The following OCM variants were observed in gnomAD, a reference collection of about 807,000 sequenced individuals.
OCM encodes oncomodulin-1.
OCM carries 18 observed loss-of-function variants against 14.1 expected under a neutral mutation model. The ratio of observed to expected loss-of-function variants is 1.28; its 90% CI spans 0.88 to 1.89. The LOEUF (loss-of-function observed/expected upper bound fraction) is 1.89, where lower values mean the gene tolerates loss of function less well. Ranked by LOEUF, OCM falls within the 40% of genes most tolerant of loss-of-function variation. The pLI, the probability that OCM is intolerant of heterozygous loss-of-function variation, is 0.00. For missense variants in OCM, 140 were observed against 137.6 expected (o/e 1.02, Z -0.09); for synonymous variants, 48 against 51.0 (o/e 0.94, Z 0.25).
At position 5,883,962 on chromosome 7, in the gene OCM, G is replaced by C; in HGVS notation, c.267G>C (p.Ala89=). ...TESETKSLMA[A]ADNDGDGKIG... ...CAGAAACCAAGTCCTTGATGGCTGC[G>C]GCGGATAATGATGGAGATGGGAAAA... Residue 89 remains alanine (A), a synonymous_variant, in exon 3 of 4, where the codon GCG becomes GCC. Coordinates refer to ENST00000242104, the MANE Select transcript of OCM (RefSeq NM_001097622.2). The C allele has an allele frequency of 1.2e-6, 2 of 1,613,352 alleles. No individual in the cohort carries two copies. The highest frequency in any genetic ancestry group is 1.7e-6 in the Non-Finnish European group (2 of 1,179,644).
upstream of OCM, among the ~76,000 whole-genome samples, chr7:5,875,058 A>T (rs1050406561): frequency 1.5e-4 from 20 of 134,620 alleles, 3 homozygotes; most frequent in South Asian, 3.2e-3. Context: ...ATATATATGT[A>T]TTTTTTTTTT....
chr7:5,881,040 C>T, intron 1 of OCM, 90 bp downstream of exon 1: 4 of 1,328,188 alleles, frequency 3.0e-6, no homozygotes, highest in Non-Finnish European at 4.3e-6. Flanking sequence ...GCCAGGCGGC[C>T]AGACGCAGTG....
At chr7:5,871,176 C>G in the OCM span, among the ~76,000 whole-genome samples, 8 of 151,538 alleles carry the variant, frequency 5.3e-5, no homozygotes, top group South Asian at 4.2e-4. Context: ...GTGAGAGCCC[C>G]CCCCCCGTCT....
chr7:5,880,943 A>G lies in OCM; in HGVS notation c.54A>G (p.Glu18=), dbSNP rs567940927. The stretch of plus-strand genomic sequence containing the variant: ...ACGACATTGCAGCAGCGCTCCAGGA[A>G]TGCCGAGGTAGAGGGGACGTGAGGC... ...SADDIAAALQ[E]CRDPDTFEPQ... Residue 18 remains glutamate, a synonymous_variant, in exon 1 of 4, where the codon GAA becomes GAG. Coordinates refer to ENST00000242104, the MANE Select transcript of OCM (RefSeq NM_001097622.2). 2.1e-5 allele frequency: 33 copies of G among 1,567,842 alleles called. No homozygotes were observed. In the Admixed American group the frequency reaches 5.2e-4, roughly 25 times the overall value.
At chr7:5,884,724 A>T (rs1438955693) in intron 3 of OCM, among the ~76,000 whole-genome samples, 1 of 151,820 alleles carries the variant, frequency 6.6e-6, no homozygotes, top group Admixed American at 6.6e-5. Context: ...TAAAAAAAAA[A>T]AAACCTGTTC....
the OCM span, among the ~76,000 whole-genome samples, chr7:5,865,991 G>A: frequency 1.3e-5 from 2 of 152,092 alleles, no homozygotes; most frequent in Non-Finnish European, 2.9e-5. Flanking sequence ...CAGTTTAAGG[G>A]CTATTCATGA....
At chr7:5,869,884 A>G in the OCM span, among the ~76,000 whole-genome samples, 2 of 152,220 alleles carry the variant, frequency 1.3e-5, no homozygotes, top group Admixed American at 1.3e-4. Context: ...ACATTGGCTG[A>G]CCCAGGACAA....
intron 2 of OCM, among the ~76,000 whole-genome samples, chr7:5,882,983 C>T (rs974530796): frequency 6.6e-6 from 1 of 151,644 alleles, no homozygotes; most frequent in African/African-American, 2.4e-5. Flanking sequence ...GCTGGGATTA[C>T]AGGTGCCTGC....
chr7:5,872,253 TATTC>T, the OCM span, among the ~76,000 whole-genome samples: 2 of 152,162 alleles, frequency 1.3e-5, no homozygotes, highest in Admixed American at 1.3e-4. Context: ...CCATCCTTGT[TATTC>T]ATTCATTTCA....
the OCM span, among the ~76,000 whole-genome samples, chr7:5,860,781 T>C: frequency 1.6e-5 from 2 of 123,190 alleles, no homozygotes; most frequent in Non-Finnish European, 3.2e-5. Flanking sequence ...TATATATACG[T>C]GTATATATAC....
At chr7:5,871,880 A>G in the OCM span, 1 of 152,022 alleles carries the variant, frequency 6.6e-6, no homozygotes, top group Non-Finnish European at 1.5e-5. Flanking sequence ...CACCCTCCTT[A>G]GGCAACCTGA....
intron 2 of OCM, among the ~76,000 whole-genome samples, 195 bp from the exon 3 acceptor site, chr7:5,883,695 A>ACAAC (rs1781272569): frequency 6.6e-6 from 1 of 151,190 alleles, no homozygotes; most frequent in African/African-American, 2.4e-5. Flanking sequence ...TCAAAAACAA[A>ACAAC]CAAACAAACA....
chr7:5,883,922 G>C lies in OCM; in HGVS notation c.227G>C (p.Arg76Thr), dbSNP rs758553298. Residue 76 changes from arginine (R) to threonine (T), a missense_variant, in exon 3 of 4, where the codon AGA becomes ACA. Transcript: ENST00000242104. ...CTCCAGAAGTTTGAGAGTGGTGCCAGAGAACTGACCGAGTCAGAAACCAAG... is the reference window on the plus strand; with the variant it reads ...CTCCAGAAGTTTGAGAGTGGTGCCACAGAACTGACCGAGTCAGAAACCAAG... Reference protein sequence around the residue: ...FFLQKFESGARELTESETKSL... With the variant: ...FFLQKFESGATELTESETKSL... The C allele has an allele frequency of 1.2e-6, 2 of 1,613,104 alleles. No individual in the cohort carries two copies. The highest frequency in any genetic ancestry group is 1.7e-6 in the Non-Finnish European group (2 of 1,179,514).
Position 5,880,829 on chromosome 7 carries a change from A to T in OCM, c.-61A>T, listed in dbSNP as rs142824436. On this transcript the variant is annotated 5_prime_UTR_variant, in exon 1 of 4. An upstream start codon of the reference 5' UTR is lost. Coordinates refer to ENST00000242104, the MANE Select transcript of OCM (RefSeq NM_001097622.2). ...GCCTGGGAAGATGTGTTTCCCCTGG[A>T]TGTGCACATTCCTGTTTGTGGCTTA... 1,127 of 1,499,840 alleles carry T rather than the reference A, an allele frequency of 7.5e-4. 6 individuals carry two copies. The African/African-American group carries it at 0.013, about 18-fold the overall frequency. The allele number at this position is 1,499,840 out of a possible 1,614,324, so 92.9% of individuals were successfully genotyped here.
Position 5,886,224 on chromosome 7 carries a change from C to T in OCM, c.*135C>T. On this transcript the variant is annotated 3_prime_UTR_variant, in exon 4 of 4. Transcript: ENST00000242104. Reference sequence around the variant, plus strand: ...CCCTGAAAACCTTCTGCAGTTTGCTCATTGTTTTAGTGAGGTCACGAGGGA... The same window carrying T: ...CCCTGAAAACCTTCTGCAGTTTGCTTATTGTTTTAGTGAGGTCACGAGGGA... 1 of 1,263,910 alleles carries T rather than the reference C, an allele frequency of 7.9e-7. No homozygotes were observed. Among genetic ancestry groups the T allele is most frequent in the Non-Finnish European group, 1.1e-6 (1 of 894,754 alleles). 78.3% of individuals were successfully genotyped at this position (1,263,910 alleles called of 1,614,324 possible). A position where few individuals can be genotyped will look rare whatever the true frequency, so the allele number is the denominator to read the frequency against.
At chr7:5,859,764 C>A in the OCM span, among the ~76,000 whole-genome samples, 10 of 151,982 alleles carry the variant, frequency 6.6e-5, no homozygotes, top group African/African-American at 2.4e-4. Flanking sequence ...ATGGCGTGAT[C>A]TCAGCTCACT....
At chr7:5,880,725 C>A, upstream of OCM, 1 of 623,652 alleles carries the variant, frequency 1.6e-6, no homozygotes, top group Non-Finnish European at 2.7e-6. Context: ...CGCTCTTGCA[C>A]TCCAGCCTGG....
intron 3 of OCM, among the ~76,000 whole-genome samples, chr7:5,884,326 C>T (rs1368317056): frequency 2.0e-5 from 3 of 152,134 alleles, no homozygotes; most frequent in Admixed American, 1.3e-4. Context: ...CTGCATAAAG[C>T]GCGAGGTATT....
chr7:5,875,057 TA>T (rs1254357784), upstream of OCM, among the ~76,000 whole-genome samples: 12 of 95,352 alleles, frequency 1.3e-4, no homozygotes, highest in Admixed American at 9.9e-4. Context: ...TATATATATG[TA>T]TTTTTTTTTT....
Sources: allele counts gnomAD v4.1 joint callset (sites outside exome capture counted in the v4.1 genomes callset), GRCh38; gene constraint gnomAD v4.1.1; transcripts MANE v1.5; gene names NCBI Gene and HGNC (gene_info 2026-07-23, HGNC 2026-07-21).